AGMO: variants seen among roughly 807,000 people sequenced by gnomAD.
AGMO encodes the protein alkylglycerol monooxygenase.
A neutral mutation model predicts 60.2 loss-of-function variants in AGMO; 75 were observed. The ratio of observed to expected loss-of-function variants is 1.25; its 90% confidence interval spans 1.03 to 1.51. The LOEUF (loss-of-function observed/expected upper bound fraction) is 1.51. AGMO is among the 40% of genes most tolerant of loss of function. The pLI is 0.00. For missense variants in AGMO, 763 were observed against 525.5 expected (o/e 1.45, Z -4.42); for synonymous variants, 261 against 177.1 (o/e 1.47, Z -3.76).
chr7:15,172,800 C>A, the AGMO span, among the ~76,000 whole-genome samples: 2 of 152,212 alleles, frequency 1.3e-5, no homozygotes, highest in Non-Finnish European at 2.9e-5. Flanking sequence ...TTGAGCGTCG[C>A]GGAGACTTGT....
At chr7:15,225,400 C>A (rs999068505) in intron 12 of AGMO, among the ~76,000 whole-genome samples, 23 of 151,844 alleles carry the variant, frequency 1.5e-4, no homozygotes, top group African/African-American at 5.3e-4. Context: ...TCAAAGATTA[C>A]AAATGTTTTA....
Position 15,365,539 on chromosome 7 carries a change from A to C in AGMO, c.1238T>G (p.Val413Gly). Residue 413 changes from valine to glycine, a missense_variant, in exon 12 of 13, where the codon GTC (valine) becomes GGC (glycine). Coordinates refer to ENST00000342526, the MANE Select transcript of AGMO (RefSeq NM_001004320.2). ...LYRFGHLKPL[V>G]PSLSSAFEIV... ...CTCAAAAGCAGATGACAATGAAGGG[A>C]CAAGAGGCTTCAGGTGACCAAATCG... 1 of 1,612,794 alleles carries C rather than the reference A, an allele frequency of 6.2e-7. No individual in the cohort carries two copies. The highest frequency in any genetic ancestry group is 8.5e-7 in the Non-Finnish European group (1 of 1,179,038).
At chr7:15,219,290 C>G (rs928772882) in intron 12 of AGMO, among the ~76,000 whole-genome samples, 2 of 152,038 alleles carry the variant, frequency 1.3e-5, no homozygotes, top group Non-Finnish European at 2.9e-5. Context: ...CTAATATAAT[C>G]TAGACAATCA....
At chr7:15,369,419 T>C (rs1378214684) in intron 10 of AGMO, among the ~76,000 whole-genome samples, 1 of 152,108 alleles carries the variant, frequency 6.6e-6, no homozygotes, top group Non-Finnish European at 1.5e-5. Flanking sequence ...GTGTTCTCTC[T>C]TTAACTCAAC....
intron 3 of AGMO, among the ~76,000 whole-genome samples, chr7:15,533,002 C>A (rs559690147): frequency 6.6e-6 from 1 of 152,118 alleles, no homozygotes; most frequent in African/African-American, 2.4e-5. Context: ...AAAGACAAAA[C>A]AAAACAAACA....
intron 8 of AGMO, among the ~76,000 whole-genome samples, chr7:15,389,555 C>T (rs764124796): frequency 1.8e-4 from 27 of 151,960 alleles, no homozygotes; most frequent in Non-Finnish European, 3.1e-4. Context: ...TTTTGGTGTA[C>T]GAGGAGATAA....
chr7:15,372,057 T>C (rs529832721), intron 10 of AGMO, among the ~76,000 whole-genome samples: 36 of 152,200 alleles, frequency 2.4e-4, no homozygotes, highest in African/African-American at 8.4e-4. Context: ...ATAGAACACA[T>C]ATGCTTAATT....
chr7:15,324,992 A>C (rs1378114846), intron 12 of AGMO, among the ~76,000 whole-genome samples: 1 of 152,156 alleles, frequency 6.6e-6, no homozygotes. Flanking sequence ...AAGTAAAATT[A>C]AAAATTAAAA....
At chr7:15,129,075 G>A in the AGMO span, among the ~76,000 whole-genome samples, 1 of 152,090 alleles carries the variant, frequency 6.6e-6, no homozygotes. Flanking sequence ...AGCATGTTTG[G>A]CTTTCACTGG....
intron 12 of AGMO, among the ~76,000 whole-genome samples, chr7:15,233,055 A>G (rs1347747409): frequency 1.3e-5 from 2 of 152,198 alleles, no homozygotes; most frequent in East Asian, 1.9e-4. Context: ...AAATCATACT[A>G]TTATTCTAAG....
At chr7:15,230,215 T>C (rs1477589487) in intron 12 of AGMO, among the ~76,000 whole-genome samples, 2 of 152,144 alleles carry the variant, frequency 1.3e-5, no homozygotes, top group Middle Eastern at 3.2e-3. Context: ...ACAGAAGTTT[T>C]GAAAATTTTG....
intron 12 of AGMO, among the ~76,000 whole-genome samples, chr7:15,354,500 A>ATG (rs1554422804): frequency 6.4e-5 from 1 of 15,716 alleles, no homozygotes; most frequent in African/African-American, 4.1e-4. Flanking sequence ...ACACGTGTAT[A>ATG]TATATATATA....
chr7:15,389,374 A>AT (rs2128484623), intron 8 of AGMO, among the ~76,000 whole-genome samples: 1 of 152,298 alleles, frequency 6.6e-6, no homozygotes, highest in Admixed American at 6.5e-5. Context: ...TCAGTGTACC[A>AT]TTTCTCAATT....
At chr7:15,137,555 T>G in the AGMO span, among the ~76,000 whole-genome samples, 1 of 152,170 alleles carries the variant, frequency 6.6e-6, no homozygotes, top group Non-Finnish European at 1.5e-5. Context: ...TGGCAAAGGT[T>G]GTGATGCAGT....
chr7:15,302,886 G>C (rs748057051), intron 12 of AGMO, among the ~76,000 whole-genome samples: 16 of 152,048 alleles, frequency 1.1e-4, no homozygotes, highest in Admixed American at 7.2e-4. Context: ...AATTTCTGCA[G>C]GCATTACATC....
chr7:15,130,517 C>G, the AGMO span, among the ~76,000 whole-genome samples: 1 of 151,872 alleles, frequency 6.6e-6, no homozygotes, highest in Non-Finnish European at 1.5e-5. Context: ...TGTTCTATTA[C>G]GATATTTCAC....
intron 5 of AGMO, among the ~76,000 whole-genome samples, chr7:15,416,514 C>CA (rs1780777404): frequency 6.6e-6 from 1 of 151,910 alleles, no homozygotes; most frequent in Non-Finnish European, 1.5e-5. Context: ...TCTTCACTTT[C>CA]AAAAAAATCA....
the AGMO span, among the ~76,000 whole-genome samples, chr7:15,190,042 G>A: frequency 6.9e-6 from 1 of 144,428 alleles, no homozygotes; most frequent in African/African-American, 2.5e-5. Flanking sequence ...TGAGGTGTTT[G>A]TGTAGTCCAT....
chr7:15,368,150 C>A (rs1783056751), intron 10 of AGMO, among the ~76,000 whole-genome samples: 1 of 151,700 alleles, frequency 6.6e-6, no homozygotes, highest in Non-Finnish European at 1.5e-5. Flanking sequence ...GGAATAGGGG[C>A]ACAATGATAG....
Sources: gnomAD v4.1 joint callset for allele counts (sites outside exome capture counted in the v4.1 genomes callset) on GRCh38, gnomAD v4.1.1 for gene constraint, MANE v1.5 for transcripts, NCBI Gene and HGNC (gene_info 2026-07-23, HGNC 2026-07-21) for gene names.